DSCAML1: variants seen among roughly 807,000 people sequenced by gnomAD.
The protein encoded by DSCAML1 is cell adhesion molecule DSCAML1.
A neutral mutation model predicts 200.5 loss-of-function variants in DSCAML1; 38 were observed. That is an observed-to-expected ratio of 0.19 (90% CI 0.15 to 0.25). The LOEUF (loss-of-function observed/expected upper bound fraction) is 0.25, where lower values mean the gene tolerates loss of function less well. Among genes scored for constraint, DSCAML1 ranks in the 10% least tolerant of loss-of-function variants. The probability of loss-of-function intolerance (pLI) is 1.00; values close to 1 mark genes in which losing one functional copy is unlikely to be tolerated. For synonymous variants in DSCAML1, 1,215 were observed against 1,165.0 expected (o/e 1.04, Z -0.87); for missense variants, 2,223 against 2,858.8 (o/e 0.78, Z 5.07).
intron 16 of DSCAML1, among the ~76,000 whole-genome samples, chr11:117,468,877 C>T (rs1445487285): frequency 6.6e-6 from 1 of 152,216 alleles, no homozygotes; most frequent in Non-Finnish European, 1.5e-5. Context: ...AGAAGAAGGA[C>T]TCAAGCACCT....
At chr11:117,749,737 G>A (rs149170459) in intron 3 of DSCAML1, among the ~76,000 whole-genome samples, 19 of 152,334 alleles carry the variant, frequency 1.2e-4, no homozygotes, top group Admixed American at 3.3e-4. Flanking sequence ...GAGCTGAATC[G>A]CAGGCAGTGC....
In DSCAML1 at chr11:117,435,865, T is replaced by C. The variant is rs1028572977; in HGVS notation, c.4721-66A>G. On this transcript the variant is annotated intron_variant, in intron 26 of 32. Coordinates refer to ENST00000651296, the MANE Select transcript of DSCAML1 (RefSeq NM_020693.4). ...GCCAGGTGCTGTGCAGAACATCTCA[T>C]GGGTGGGGCAGTCCTCTGACCTCTC... 19 of 1,529,850 alleles carry C rather than the reference T, an allele frequency of 1.2e-5. No individual in the cohort carries two copies. In the African/African-American group the frequency reaches 2.3e-4, roughly 19 times the overall value. The allele number at this position is 1,529,850 out of a possible 1,614,324, so 94.8% of individuals were successfully genotyped here.
At chr11:117,793,034 C>A (rs1011433003) in intron 1 of DSCAML1, among the ~76,000 whole-genome samples, 1 of 152,170 alleles carries the variant, frequency 6.6e-6, no homozygotes, top group South Asian at 2.1e-4. Flanking sequence ...AGCTCCTTCC[C>A]CACCCCCTTC....
At chr11:117,483,515 T>TTTG (rs1457119093) in intron 11 of DSCAML1, among the ~76,000 whole-genome samples, 1 of 152,234 alleles carries the variant, frequency 6.6e-6, no homozygotes, top group East Asian at 1.9e-4. Flanking sequence ...TGATCTCATG[T>TTTG]TTGAAACTCC....
rs997616144 is a variant in DSCAML1, at chr11:117,516,752, C to T, written c.1511-13G>A. 4 of 1,606,194 alleles carry T rather than the reference C, an allele frequency of 2.5e-6. No homozygotes were observed. The African/African-American group carries it at 5.3e-5, about 21-fold the overall frequency. ...ATGCTGGGTGGGCCTGGGCAGGAGTCAGAAGAGAGGAGGAGGAGGAGAAGG... is the reference window on the plus strand; with the variant it reads ...ATGCTGGGTGGGCCTGGGCAGGAGTTAGAAGAGAGGAGGAGGAGGAGAAGG... On this transcript the variant is annotated splice_polypyrimidine_tract_variant and intron_variant, in intron 7 of 32. Transcript: ENST00000651296. The surrounding 1 kb of genome is among the most constrained non-coding windows in gnomAD (Gnocchi z 5.7).
intron 8 of DSCAML1, among the ~76,000 whole-genome samples, chr11:117,506,122 G>C (rs2137279609): frequency 6.6e-6 from 1 of 152,360 alleles, no homozygotes; most frequent in African/African-American, 2.4e-5. Flanking sequence ...GCCTGGGATA[G>C]AGGTGAGGTG....
Position 117,480,674 on chromosome 11 carries a change from T to A in DSCAML1, c.2657-103A>T. 1 of 1,380,204 alleles carries A rather than the reference T, an allele frequency of 7.2e-7. No individual in the cohort carries two copies. The highest frequency in any genetic ancestry group is 1.3e-5 in the South Asian group (1 of 76,334). 85.5% of individuals were successfully genotyped at this position (1,380,204 alleles called of 1,614,324 possible). A position where few individuals can be genotyped will look rare whatever the true frequency, so the allele number is the denominator to read the frequency against. On this transcript the variant is annotated intron_variant, in intron 13 of 32. Coordinates refer to ENST00000651296, the MANE Select transcript of DSCAML1 (RefSeq NM_020693.4). This position sits in a 1 kb window ranked among gnomAD's most constrained non-coding sequence, Gnocchi z 4.1. ...GCATCACCTGGGTCTAGCCAAGGAC[T>A]CTGGCACCCTAGGGTTTGAGCAGGG...
chr11:117,581,991 G>T (rs1243139190), intron 3 of DSCAML1, among the ~76,000 whole-genome samples: 1 of 152,100 alleles, frequency 6.6e-6, no homozygotes, highest in Non-Finnish European at 1.5e-5. Context: ...CTTCCTGTAA[G>T]GAGCACACCA....
chr11:117,808,329 A>G (rs1377379222), intron 1 of DSCAML1, among the ~76,000 whole-genome samples: 2 of 152,178 alleles, frequency 1.3e-5, no homozygotes, highest in Non-Finnish European at 2.9e-5. Flanking sequence ...ACACATTCCT[A>G]TGGGTCAAAC....
At chr11:117,813,526 A>C (rs1203327154) in intron 1 of DSCAML1, among the ~76,000 whole-genome samples, 2 of 152,188 alleles carry the variant, frequency 1.3e-5, no homozygotes, top group Admixed American at 1.3e-4. Flanking sequence ...GACTATGCTG[A>C]ATCTCCATAG....
At chr11:117,479,579 C>T (rs1352138217) in intron 14 of DSCAML1, among the ~76,000 whole-genome samples, 1 of 152,198 alleles carries the variant, frequency 6.6e-6, no homozygotes, top group Non-Finnish European at 1.5e-5. Context: ...TGGCGCCCCA[C>T]AGTGCCTCAC....
chr11:117,553,906 G>A (rs1429983655), intron 3 of DSCAML1, among the ~76,000 whole-genome samples: 1 of 152,230 alleles, frequency 6.6e-6, no homozygotes, highest in African/African-American at 2.4e-5. Context: ...CAACTCAAAT[G>A]TCCACTGACA....
At chr11:117,808,682 C>T (rs2055729775) in intron 1 of DSCAML1, among the ~76,000 whole-genome samples, 1 of 152,176 alleles carries the variant, frequency 6.6e-6, no homozygotes, top group Non-Finnish European at 1.5e-5. Flanking sequence ...TAAACACTAT[C>T]CACTTAAGCT....
intron 3 of DSCAML1, among the ~76,000 whole-genome samples, chr11:117,562,404 C>T (rs1321246044): frequency 6.6e-6 from 1 of 152,254 alleles, no homozygotes; most frequent in Non-Finnish European, 1.5e-5. Context: ...GCCACGTCTT[C>T]TGTGTGCCTT....
intron 3 of DSCAML1, among the ~76,000 whole-genome samples, chr11:117,576,667 A>C (rs1232089865): frequency 6.6e-6 from 1 of 152,054 alleles, no homozygotes; most frequent in Non-Finnish European, 1.5e-5. Context: ...CATACAACAG[A>C]GTCAAGGCTG....
rs774958140 is a variant in DSCAML1 at position 117,481,951 on chromosome 11, G to A, written c.2559+12C>T. 6 of 1,613,732 alleles carry A rather than the reference G, an allele frequency of 3.7e-6. No individual in the cohort carries two copies. Among genetic ancestry groups the A allele is most frequent in the East Asian group, 4.5e-5 (2 of 44,882 alleles). On this transcript the variant is annotated intron_variant, in intron 12 of 32. Coordinates refer to ENST00000651296, the MANE Select transcript of DSCAML1 (RefSeq NM_020693.4). The stretch of plus-strand genomic sequence containing the variant: ...AGTTGGGGTCCCCCAGCACTGAGGT[G>A]GGGGTGCTCACCTTCAGTGTGGAGA...
chr11:117,739,990 A>T (rs144993261), intron 3 of DSCAML1, among the ~76,000 whole-genome samples: 2 of 152,306 alleles, frequency 1.3e-5, no homozygotes, highest in African/African-American at 4.8e-5. Flanking sequence ...TTTAGCATTC[A>T]GGGGCTGTGA....
chr11:117,439,685 C>T (rs1565680063), intron 22 of DSCAML1, 134 bp downstream of exon 22: 1 of 895,462 alleles, frequency 1.1e-6, no homozygotes, highest in Non-Finnish European at 1.8e-6. Context: ...AGTAGCAGCA[C>T]ACCCTGCAGG....
intron 3 of DSCAML1, among the ~76,000 whole-genome samples, chr11:117,749,119 G>A (rs772738652): frequency 3.3e-5 from 5 of 152,194 alleles, no homozygotes; most frequent in Admixed American, 6.5e-5. Context: ...TGCAGAGGAC[G>A]AAAGGATGAG....
Sources: allele counts gnomAD v4.1 joint callset (sites outside exome capture counted in the v4.1 genomes callset), GRCh38; gene constraint gnomAD v4.1.1; non-coding constraint Gnocchi (gnomAD v3.1); transcripts MANE v1.5; gene names NCBI Gene and HGNC (gene_info 2026-07-23, HGNC 2026-07-21).